FAM107B: variants seen among roughly 807,000 people sequenced by gnomAD.
FAM107B encodes protein FAM107B.
In FAM107B, 21 loss-of-function variants were observed where a neutral mutation model predicts 31.5. The observed-to-expected ratio is 0.67, with a 90% CI of 0.47 to 0.96. FAM107B has a LOEUF of 0.96. Among genes scored for constraint, FAM107B ranks in the 40% least tolerant of loss-of-function variants. FAM107B has a pLI of 0.00. For missense variants in FAM107B, 452 were observed against 377.1 expected, an observed-to-expected ratio of 1.20 and a Z score of -1.64; for synonymous variants, 157 against 141.5, an observed-to-expected ratio of 1.11 and a Z score of -0.78.
chr10:14,617,752 G>A (rs74650978), intron 2 of FAM107B, among the ~76,000 whole-genome samples: 5,388 of 113,362 alleles, frequency 0.048, 152 homozygotes, highest in East Asian at 0.14. Flanking sequence ...TCAGGTAGAC[G>A]CCAAAAAAAA....
chr10:14,743,135 T>C (rs1490173424), intron 1 of FAM107B, among the ~76,000 whole-genome samples: 1 of 152,252 alleles, frequency 6.6e-6, no homozygotes. Flanking sequence ...GTTGAGCTTT[T>C]TTTCATATGT....
At chr10:14,625,790 A>C (rs534226975) in intron 2 of FAM107B, among the ~76,000 whole-genome samples, 145 of 148,980 alleles carry the variant, frequency 9.7e-4, no homozygotes, top group Non-Finnish European at 1.8e-3. Context: ...ATAAATATTC[A>C]AGAGTACTTT....
intron 1 of FAM107B, among the ~76,000 whole-genome samples, chr10:14,700,433 G>A (rs549775823): frequency 2.4e-4 from 37 of 152,238 alleles, no homozygotes; most frequent in South Asian, 2.1e-4. Flanking sequence ...ATGAACAGCC[G>A]TATATGGAAG....
At chr10:14,732,930 A>C (rs1856208399) in intron 1 of FAM107B, among the ~76,000 whole-genome samples, 1 of 146,328 alleles carries the variant, frequency 6.8e-6, no homozygotes, top group Non-Finnish European at 1.5e-5. Flanking sequence ...ATATTATATA[A>C]TATTATAATT....
chr10:14,728,666 G>A (rs2131557543), intron 1 of FAM107B, among the ~76,000 whole-genome samples: 1 of 152,296 alleles, frequency 6.6e-6, no homozygotes, highest in East Asian at 1.9e-4. Context: ...TTGCAAAGCA[G>A]TCAGCTGTGG....
rs1856340583 is a variant in FAM107B at position 14,737,798 on chromosome 10, C to CTCTCAA, written c.411+36454_411+36455insTTGAGA. Among the ~76,000 whole-genome samples the CTCTCAA allele has an allele frequency of 5.3e-5, 8 of 151,454 alleles. No homozygotes were observed. In the South Asian group the frequency reaches 1.7e-3, roughly 32 times the overall value. ...TCTCTCTCTCTCTCTCTCTCTCTCT[C>CTCTCAA]TCCTTCGTTGGCTAAACTTGTACCA... On this transcript the variant is annotated intron_variant, in intron 1 of 4. Coordinates refer to ENST00000181796, the MANE Select transcript of FAM107B (RefSeq NM_031453.4).
intron 1 of FAM107B, among the ~76,000 whole-genome samples, chr10:14,698,118 CCATCT>C (rs1224409436): frequency 6.6e-6 from 1 of 151,564 alleles, no homozygotes; most frequent in African/African-American, 2.4e-5. Flanking sequence ...GAGCAAGACT[CCATCT>C]CAAAAAAAAA....
intron 2 of FAM107B, among the ~76,000 whole-genome samples, chr10:14,555,332 A>C (rs1849602214): frequency 6.6e-6 from 1 of 152,242 alleles, no homozygotes; most frequent in Non-Finnish European, 1.5e-5. Flanking sequence ...ATTGATTATA[A>C]AACTGACTAC....
intron 1 of FAM107B, among the ~76,000 whole-genome samples, chr10:14,766,030 AC>A (rs1269183664): frequency 6.6e-6 from 1 of 152,166 alleles, no homozygotes; most frequent in East Asian, 1.9e-4. Context: ...TGCAGATGGT[AC>A]CCCCAAGTCT....
At chr10:14,688,348 C>T (rs955664434) in intron 1 of FAM107B, among the ~76,000 whole-genome samples, 4 of 152,146 alleles carry the variant, frequency 2.6e-5, no homozygotes, top group African/African-American at 9.7e-5. Context: ...GGGACTTCAC[C>T]TTGTGATCGC....
intron 2 of FAM107B, among the ~76,000 whole-genome samples, chr10:14,645,364 T>A (rs1228426847): frequency 6.6e-6 from 1 of 152,238 alleles, no homozygotes; most frequent in Admixed American, 6.5e-5. Flanking sequence ...AAGTCTGAAA[T>A]GATCCCCAAG....
At chr10:14,594,743 C>G (rs113176014) in intron 2 of FAM107B, among the ~76,000 whole-genome samples, 4,066 of 152,262 alleles carry the variant, frequency 0.027, 85 homozygotes, top group East Asian at 0.12. Context: ...TCTCATGGAA[C>G]TGCATTGGTT....
chr10:14,619,120 C>T (rs1852929113), intron 2 of FAM107B, among the ~76,000 whole-genome samples: 1 of 152,120 alleles, frequency 6.6e-6, no homozygotes, highest in Admixed American at 6.5e-5. Flanking sequence ...GAGGGAGCAC[C>T]GCCTGTAGAT....
intron 1 of FAM107B, among the ~76,000 whole-genome samples, chr10:14,677,722 C>T (rs1157847488): frequency 1.3e-5 from 2 of 152,112 alleles, no homozygotes; most frequent in Non-Finnish European, 2.9e-5. Flanking sequence ...ACCATCTTAA[C>T]TTGCTCAGGA....
chr10:14,644,354 G>A (rs1449064649), intron 2 of FAM107B, among the ~76,000 whole-genome samples: 1 of 152,082 alleles, frequency 6.6e-6, no homozygotes, highest in African/African-American at 2.4e-5. Context: ...TCTATCTATT[G>A]TATAGATAAA....
intron 2 of FAM107B, among the ~76,000 whole-genome samples, chr10:14,662,559 G>A (rs376104510): frequency 1.3e-5 from 2 of 151,928 alleles, no homozygotes; most frequent in East Asian, 1.9e-4. Context: ...TAATTTTTTT[G>A]TAGAGACTGG....
chr10:14,634,742 C>A (rs1853453276), intron 2 of FAM107B, among the ~76,000 whole-genome samples: 1 of 152,068 alleles, frequency 6.6e-6, no homozygotes, highest in African/African-American at 2.4e-5. Context: ...TCAGATGATG[C>A]CATCACTGTG....
intron 1 of FAM107B, among the ~76,000 whole-genome samples, chr10:14,745,739 T>C (rs950224549): frequency 2.0e-5 from 3 of 151,992 alleles, no homozygotes. Context: ...TTGATTTTAG[T>C]GAGTGCCATG....
At chr10:14,771,099 G>A (rs1006816360) in intron 1 of FAM107B, among the ~76,000 whole-genome samples, 5 of 150,512 alleles carry the variant, frequency 3.3e-5, no homozygotes, top group Non-Finnish European at 5.9e-5. Flanking sequence ...TGTAATAAAA[G>A]CATCTCATTC....
Sources: allele counts gnomAD v4.1 joint callset (sites outside exome capture counted in the v4.1 genomes callset), GRCh38; gene constraint gnomAD v4.1.1; transcripts MANE v1.5; gene names NCBI Gene and HGNC (gene_info 2026-07-23, HGNC 2026-07-21).